The following LINGO1 variants were observed in gnomAD, a reference collection of about 807,000 sequenced individuals.
LINGO1 encodes the protein leucine-rich repeat and immunoglobulin-like domain-containing nogo receptor-interacting protein 1.
LINGO1 carries 11 observed loss-of-function variants against 37.3 expected under a neutral mutation model. The ratio of observed to expected loss-of-function variants is 0.29; its 90% CI spans 0.19 to 0.49. LINGO1 has a LOEUF of 0.49. Among genes scored for constraint, LINGO1 ranks in the 20% least tolerant of loss-of-function variants. LINGO1 has a pLI of 0.99. For missense variants in LINGO1, 585 were observed against 878.2 expected (o/e 0.67, Z 4.22); for synonymous variants, 387 against 403.0 (o/e 0.96, Z 0.48).
chr15:77,731,096 T>G (rs2076150455), intron 2 of LINGO1, among the ~76,000 whole-genome samples: 1 of 152,212 alleles, frequency 6.6e-6, no homozygotes, highest in South Asian at 2.1e-4. Flanking sequence ...AGAATTATTT[T>G]TATTATTCCG....
intron 2 of LINGO1, among the ~76,000 whole-genome samples, chr15:77,793,172 T>A (rs2076831464): frequency 6.6e-6 from 1 of 152,144 alleles, no homozygotes; most frequent in Admixed American, 6.5e-5. Context: ...CCCTCCTGCC[T>A]GGCAGGAGGA....
chr15:77,810,691 C>A (rs571097705), intron 1 of LINGO1, among the ~76,000 whole-genome samples: 2 of 152,212 alleles, frequency 1.3e-5, no homozygotes, highest in African/African-American at 2.4e-5. Context: ...TCTAAGTACG[C>A]CTTCTAGTTC....
chr15:77,680,603 C>A (rs2075398097), intron 2 of LINGO1, among the ~76,000 whole-genome samples: 1 of 152,182 alleles, frequency 6.6e-6, no homozygotes, highest in South Asian at 2.1e-4. Context: ...ACCTTCCCCA[C>A]ATGCAGAAGG....
chr15:77,699,773 A>ACCTGCACACAGTAAG (rs2075756865), upstream of LINGO1, among the ~76,000 whole-genome samples: 335 of 149,864 alleles, frequency 2.2e-3, 1 homozygote, highest in Middle Eastern at 3.5e-3. Context: ...ACTAACCATC[A>ACCTGCACACAGTAAG]TTCCCCCCCT....
At chr15:77,802,918 G>A (rs989709995) in intron 1 of LINGO1, among the ~76,000 whole-genome samples, 5 of 152,192 alleles carry the variant, frequency 3.3e-5, no homozygotes, top group African/African-American at 1.2e-4. Flanking sequence ...AGACCCCCTG[G>A]GGCCCATCCC....
At chr15:77,687,920 G>C (rs1483038920) in intron 2 of LINGO1, among the ~76,000 whole-genome samples, 1 of 152,224 alleles carries the variant, frequency 6.6e-6, no homozygotes, top group East Asian at 1.9e-4. Flanking sequence ...AGTGGGCACT[G>C]TCTTGGGGCT....
At chr15:77,810,462 A>G (rs116093177) in intron 1 of LINGO1, among the ~76,000 whole-genome samples, 1 of 152,204 alleles carries the variant, frequency 6.6e-6, no homozygotes, top group East Asian at 1.9e-4. Context: ...GCCCTTCCGC[A>G]GCTGATCCAG....
At chr15:77,732,066 ATCATC>A (rs1450226600) in intron 2 of LINGO1, among the ~76,000 whole-genome samples, 3 of 152,202 alleles carry the variant, frequency 2.0e-5, no homozygotes, top group Non-Finnish European at 2.9e-5. Context: ...CAGGTCATGC[ATCATC>A]TCATCTCATC....
At chr15:77,802,763 T>C (rs2076930012) in intron 1 of LINGO1, among the ~76,000 whole-genome samples, 1 of 152,140 alleles carries the variant, frequency 6.6e-6, no homozygotes, top group African/African-American at 2.4e-5. Flanking sequence ...GGAGGTCTCC[T>C]GTCCCCACCT....
rs1567577524 is a variant in LINGO1, at chr15:77,776,475, AGGAAGGCAGGAAAGCAGGAAG to A, written c.-257+10373_-257+10393del. Among the ~76,000 whole-genome samples, 186 of 138,078 alleles carry A rather than the reference AGGAAGGCAGGAAAGCAGGAAG, an allele frequency of 1.3e-3. 1 individual carries two copies. Among genetic ancestry groups the A allele is most frequent in the African/African-American group, 2.2e-3 (78 of 35,334 alleles). The allele number at this position is 138,078 out of a possible 152,430, so 90.6% of individuals were successfully genotyped here. A position where few individuals can be genotyped will look rare whatever the true frequency, so the allele number is the denominator to read the frequency against. ...CAGGAAGGCAGGAAGGCAGGAAGGC[AGGAAGGCAGGAAAGCAGGAAG>A]GCAGGAAGGCAGGAAGGCAGGAAGG... On this transcript the variant is annotated intron_variant, in intron 1 of 3. Transcript: ENST00000561686.
intron 1 of LINGO1, among the ~76,000 whole-genome samples, chr15:77,798,044 C>T (rs1276848944): frequency 6.6e-6 from 1 of 152,124 alleles, no homozygotes; most frequent in African/African-American, 2.4e-5. Flanking sequence ...CACAAAGCAG[C>T]CCAGACCAGT....
rs564205364 is a variant in LINGO1 at position 77,663,285 on chromosome 15, C to T, written c.-13+13804G>A. Among the ~76,000 whole-genome samples the T allele has an allele frequency of 2.8e-5, 4 of 143,832 alleles. No individual in the cohort carries two copies. In the East Asian group the frequency reaches 5.9e-4, roughly 21 times the overall value. 94.4% of individuals were successfully genotyped at this position (143,832 alleles called of 152,430 possible). On this transcript the variant is annotated intron_variant, in intron 3 of 3. Transcript: ENST00000559893. ...AGCGGCTTTGGTGTCTATCAGTGGT[C>T]GGGGGTGGGGAGGCTTCCAGGATCC...
intron 2 of LINGO1, among the ~76,000 whole-genome samples, chr15:77,702,464 C>T (rs960810527): frequency 6.6e-6 from 1 of 152,142 alleles, no homozygotes; most frequent in Non-Finnish European, 1.5e-5. Context: ...GGGGAGGAGG[C>T]TTTGCCTCCT....
chr15:77,749,645 G>A (rs970310072), intron 1 of LINGO1, among the ~76,000 whole-genome samples: 5 of 152,288 alleles, frequency 3.3e-5, no homozygotes, highest in Non-Finnish European at 4.4e-5. Context: ...CGGCTGCTGC[G>A]TGGACTGCTC....
intron 3 of LINGO1, among the ~76,000 whole-genome samples, chr15:77,674,545 G>C (rs1374019225): frequency 6.6e-6 from 1 of 151,978 alleles, no homozygotes; most frequent in Non-Finnish European, 1.5e-5. Context: ...CCCTGTTCTG[G>C]CCACACCAAC....
intron 1 of LINGO1, among the ~76,000 whole-genome samples, chr15:77,622,700 TG>T (rs1451498807): frequency 6.6e-6 from 1 of 152,150 alleles, no homozygotes; most frequent in Non-Finnish European, 1.5e-5. Context: ...TGGGGTCAAG[TG>T]GCCAGGAGTG....
intron 2 of LINGO1, among the ~76,000 whole-genome samples, chr15:77,723,991 C>T (rs2076077401): frequency 6.6e-6 from 1 of 152,224 alleles, no homozygotes; most frequent in Non-Finnish European, 1.5e-5. Context: ...CTCCCCTCCC[C>T]CTGCCTCAGT....
intron 1 of LINGO1, among the ~76,000 whole-genome samples, chr15:77,801,221 C>T (rs6495249): frequency 0.4 from 60,342 of 152,074 alleles, 12,074 homozygotes; most frequent in Admixed American, 0.49. Flanking sequence ...AGGATGCTCA[C>T]GGAAACATTG....
intron 1 of LINGO1, among the ~76,000 whole-genome samples, chr15:77,742,925 A>C (rs2076278825): frequency 6.6e-6 from 1 of 152,256 alleles, no homozygotes; most frequent in South Asian, 2.1e-4. Context: ...CCTCACAGCC[A>C]GTGCATTTCC....
Sources: gnomAD v4.1 joint callset for allele counts (sites outside exome capture counted in the v4.1 genomes callset) on GRCh38, gnomAD v4.1.1 for gene constraint, MANE v1.5 for transcripts, NCBI Gene and HGNC (gene_info 2026-07-23, HGNC 2026-07-21) for gene names.